Variants in CACNA2D3 observed in about 807,000 individuals in gnomAD.
CACNA2D3 encodes calcium voltage-gated channel auxiliary subunit alpha2delta 3, also known as voltage-dependent calcium channel subunit alpha-2/delta-3.
CACNA2D3 carries 60 observed loss-of-function variants against 160.6 expected under a neutral mutation model. The observed-to-expected ratio is 0.37, with a 90% CI of 0.30 to 0.46. The LOEUF is 0.46. Among genes scored for constraint, CACNA2D3 ranks in the 20% least tolerant of loss-of-function variants. The pLI is 1.00. For missense variants in CACNA2D3, 1,205 were observed against 1,365.0 expected, an observed-to-expected ratio of 0.88 and a Z score of 1.85; for synonymous variants, 558 against 492.9, an observed-to-expected ratio of 1.13 and a Z score of -1.75.
chr3:55,067,997 A>G (rs987604577), intron 35 of CACNA2D3, among the ~76,000 whole-genome samples: 1 of 151,926 alleles, frequency 6.6e-6, no homozygotes, highest in Non-Finnish European at 1.5e-5. Context: ...CTGTTCCTCT[A>G]TTCTCCTCTT....
chr3:54,636,452 C>A (rs1699373246), intron 10 of CACNA2D3, among the ~76,000 whole-genome samples: 1 of 151,888 alleles, frequency 6.6e-6, no homozygotes, highest in Non-Finnish European at 1.5e-5. Flanking sequence ...GAGCAGAAAG[C>A]ATATGCGTCA....
chr3:54,810,097 G>T (rs1203104120), intron 13 of CACNA2D3, among the ~76,000 whole-genome samples: 2 of 152,188 alleles, frequency 1.3e-5, no homozygotes, highest in Non-Finnish European at 2.9e-5. Context: ...GCAGGGAAGT[G>T]GGGTAGTCAG....
At chr3:55,017,021 G>T (rs1022218378) in intron 34 of CACNA2D3, among the ~76,000 whole-genome samples, 1 of 152,094 alleles carries the variant, frequency 6.6e-6, no homozygotes, top group African/African-American at 2.4e-5. Context: ...CCGTAGTTCT[G>T]CCCACCAACC....
At chr3:54,680,564 T>C (rs1018425431) in intron 11 of CACNA2D3, among the ~76,000 whole-genome samples, 10 of 152,234 alleles carry the variant, frequency 6.6e-5, no homozygotes, top group African/African-American at 2.4e-4. Context: ...CAGATGCTAC[T>C]ATAATTAAGA....
At chr3:54,134,575 C>T (rs893514172) in intron 2 of CACNA2D3, among the ~76,000 whole-genome samples, 5 of 152,218 alleles carry the variant, frequency 3.3e-5, no homozygotes, top group African/African-American at 4.8e-5. Flanking sequence ...TACTCTCCAA[C>T]GCCAGGGTTT....
intron 4 of CACNA2D3, among the ~76,000 whole-genome samples, chr3:54,493,060 CTTTTTTTTTTTTTTTTTT>C (rs34225864): frequency 3.7e-4 from 22 of 58,770 alleles, no homozygotes; most frequent in South Asian, 8.6e-4. Flanking sequence ...TTGCTCAAAA[CTTTTTTTTTTTTTTTTTT>C]TTTTTTTTTT....
intron 2 of CACNA2D3, among the ~76,000 whole-genome samples, chr3:54,203,880 G>C (rs188162339): frequency 1.3e-5 from 2 of 151,970 alleles, no homozygotes; most frequent in East Asian, 3.9e-4. Context: ...CCATGACAGG[G>C]GTATGGCGGG....
At chr3:55,020,493 A>G (rs1482559525) in intron 35 of CACNA2D3, among the ~76,000 whole-genome samples, 1 of 150,644 alleles carries the variant, frequency 6.6e-6, no homozygotes, top group Non-Finnish European at 1.5e-5. Context: ...TATATATTAT[A>G]TATTAATAGT....
intron 11 of CACNA2D3, among the ~76,000 whole-genome samples, chr3:54,734,149 C>G (rs1031551052): frequency 1.3e-5 from 2 of 152,152 alleles, no homozygotes; most frequent in African/African-American, 4.8e-5. Context: ...GTCCAAGAGG[C>G]TGGGCAGGCT....
chr3:54,146,247 G>T (rs1700028455), intron 2 of CACNA2D3, among the ~76,000 whole-genome samples: 1 of 152,112 alleles, frequency 6.6e-6, no homozygotes, highest in African/African-American at 2.4e-5. Context: ...TGGTCCCTGG[G>T]TGTAACTGTT....
At chr3:54,412,735 T>C (rs537509836) in intron 4 of CACNA2D3, among the ~76,000 whole-genome samples, 2 of 151,882 alleles carry the variant, frequency 1.3e-5, no homozygotes, top group African/African-American at 2.4e-5. Flanking sequence ...TTGTTGTTGT[T>C]GTTGTTCATT....
intron 4 of CACNA2D3, among the ~76,000 whole-genome samples, chr3:54,486,736 C>A (rs1389632139): frequency 6.6e-6 from 1 of 152,138 alleles, no homozygotes; most frequent in African/African-American, 2.4e-5. Flanking sequence ...CCAGCATACC[C>A]AGCATTCCCT....
intron 10 of CACNA2D3, chr3:54,639,220 T>C (rs1202466803): frequency 6.8e-6 from 1 of 146,918 alleles, no homozygotes; most frequent in Non-Finnish European, 1.5e-5. Flanking sequence ...TGAGGGGTAC[T>C]TGCCCCTGCC....
At chr3:54,771,833 T>C (rs1702328019) in intron 13 of CACNA2D3, among the ~76,000 whole-genome samples, 1 of 152,118 alleles carries the variant, frequency 6.6e-6, no homozygotes, top group Non-Finnish European at 1.5e-5. Flanking sequence ...GGCAGAAATC[T>C]TGGGGGCCAT....
intron 4 of CACNA2D3, among the ~76,000 whole-genome samples, chr3:54,473,452 C>A (rs1700773339): frequency 6.6e-6 from 1 of 152,108 alleles, no homozygotes; most frequent in African/African-American, 2.4e-5. Flanking sequence ...CTAGGCAATA[C>A]CATTCAGGAC....
At chr3:54,627,992 G>A (rs1699159334) in intron 10 of CACNA2D3, 116 bp downstream of exon 10, 4 of 715,694 alleles carry the variant, frequency 5.6e-6, no homozygotes, top group Non-Finnish European at 9.9e-6. Context: ...CAGCCCTTTG[G>A]GAGGCCGAGA....
chr3:54,503,139 T>G (rs1701319579), intron 4 of CACNA2D3, among the ~76,000 whole-genome samples: 1 of 152,206 alleles, frequency 6.6e-6, no homozygotes, highest in African/African-American at 2.4e-5. Context: ...TTTTGCTGAT[T>G]TTCAGCCTCC....
At chr3:55,024,966 G>A (rs1198998813) in intron 35 of CACNA2D3, among the ~76,000 whole-genome samples, 1 of 152,130 alleles carries the variant, frequency 6.6e-6, no homozygotes, top group Non-Finnish European at 1.5e-5. Context: ...TAATGATTGA[G>A]ATCCTTTTTG....
At chr3:54,932,597 C>A (rs1311001140) in intron 27 of CACNA2D3, among the ~76,000 whole-genome samples, 1 of 152,194 alleles carries the variant, frequency 6.6e-6, no homozygotes, top group African/African-American at 2.4e-5. Context: ...ATATAGCATG[C>A]CTAGAGTTTG....
Sources: allele counts gnomAD v4.1 joint callset (sites outside exome capture counted in the v4.1 genomes callset), GRCh38; gene constraint gnomAD v4.1.1; transcripts MANE v1.5; gene names NCBI Gene and HGNC (gene_info 2026-07-23, HGNC 2026-07-21).